The following KCNN1 variants were observed in gnomAD, a reference collection of about 807,000 sequenced individuals.
KCNN1 encodes small conductance calcium-activated potassium channel protein 1.
In KCNN1, 20 loss-of-function variants were observed where a neutral mutation model predicts 44.7. The ratio of observed to expected loss-of-function variants is 0.45; its 90% confidence interval spans 0.32 to 0.65. The LOEUF (loss-of-function observed/expected upper bound fraction) is 0.65. Among genes scored for constraint, KCNN1 ranks in the 30% least tolerant of loss-of-function variants. The pLI, the probability that KCNN1 is intolerant of heterozygous loss-of-function variation, is 0.05. For synonymous variants in KCNN1, 324 were observed against 341.7 expected (o/e 0.95, Z 0.57); for missense variants, 632 against 785.3 (o/e 0.80, Z 2.33).
chr19:17,993,404 CGG>C lies in KCNN1; in HGVS notation c.1308-84_1308-83del. On this transcript the variant is annotated intron_variant, in intron 8 of 9. Transcript: ENST00000684775. The surrounding 1 kb of genome is among the most constrained non-coding windows in gnomAD (Gnocchi z 4.5). ...CTGATGCATGTCCCATAGGTGACCC[CGG>C]GTGGGTGCATGAAAGTCCCTGCCCC... The C allele has an allele frequency of 1.0e-6, 1 of 972,800 alleles. No individual in the cohort carries two copies. Among genetic ancestry groups the C allele is most frequent in the Non-Finnish European group, 1.6e-6 (1 of 618,908 alleles). The allele number at this position is 972,800 out of a possible 1,614,324, so 60.3% of individuals were successfully genotyped here. A position where few individuals can be genotyped will look rare whatever the true frequency, so the allele number is the denominator to read the frequency against.
chr19:17,956,639 T>C (rs1226795402), intron 2 of KCNN1, among the ~76,000 whole-genome samples: 2 of 151,798 alleles, frequency 1.3e-5, no homozygotes, highest in Admixed American at 6.6e-5. Context: ...CCAGCTACTC[T>C]GGAGGCTGAG....
chr19:17,973,724 G>A (rs1199784888), intron 1 of KCNN1, 84 bp from the exon 2 acceptor site: 8 of 1,413,124 alleles, frequency 5.7e-6, no homozygotes, highest in African/African-American at 1.5e-5. Flanking sequence ...AACTTAGAAC[G>A]TTCTGGGTTG....
intron 2 of KCNN1, among the ~76,000 whole-genome samples, chr19:17,959,246 G>GT (rs1008473820): frequency 4.0e-5 from 6 of 148,292 alleles, no homozygotes; most frequent in Non-Finnish European, 9.0e-5. Flanking sequence ...CGCTGGTCTT[G>GT]TTTTTTGTTT....
upstream of KCNN1, among the ~76,000 whole-genome samples, chr19:17,964,538 GGC>G (rs2031753614): frequency 6.6e-6 from 1 of 152,240 alleles, no homozygotes; most frequent in Non-Finnish European, 1.5e-5. This position sits in a 1 kb window ranked among gnomAD's most constrained non-coding sequence, Gnocchi z 4.3. Flanking sequence ...GAGTCCCGGG[GGC>G]GTCTTGGCTG....
chr19:17,983,182 C>T lies in KCNN1; in HGVS notation c.917+1055C>T, dbSNP rs570282597. The stretch of plus-strand genomic sequence containing the variant: ...GCTCTGGGGGACAAAGGGACTTGCC[C>T]GGAGCCTTGAGTCCTGGCAGTCTCA... On this transcript the variant is annotated intron_variant, in intron 4 of 9. Transcript: ENST00000684775. The surrounding 1 kb of genome is among the most constrained non-coding windows in gnomAD (Gnocchi z 4.5). Among the ~76,000 whole-genome samples the T allele has an allele frequency of 1.2e-4, 18 of 152,134 alleles. No homozygotes were observed. Among genetic ancestry groups the T allele is most frequent in the African/African-American group, 4.3e-4 (18 of 41,518 alleles).
In KCNN1 at chr19:17,998,378, C is replaced by T. The variant is rs539021875; in HGVS notation, c.1604C>T (p.Thr535Met). The change falls in exon 10 of 10, where the codon ACG (threonine) becomes ATG (methionine). Residue 535 changes from threonine to methionine, a missense_variant. Transcript: ENST00000684775. This position sits in a 1 kb window ranked among gnomAD's most constrained non-coding sequence, Gnocchi z 5.4. ...QAARSSPCRWTPVAPSDCG is the reference protein window; with the variant it reads ...QAARSSPCRWMPVAPSDCG Reference sequence around the variant, plus strand: ...GCCCGGAGCTCCCCCTGCCGGTGGACGCCCGTGGCCCCCTCGGACTGCGGG... The same window carrying T: ...GCCCGGAGCTCCCCCTGCCGGTGGATGCCCGTGGCCCCCTCGGACTGCGGG... 15 of 1,491,704 alleles carry T rather than the reference C, an allele frequency of 1.0e-5. No homozygotes were observed. Among genetic ancestry groups the T allele is most frequent in the East Asian group, 4.8e-5 (2 of 41,256 alleles). 92.4% of individuals were successfully genotyped at this position (1,491,704 alleles called of 1,614,324 possible). A position where few individuals can be genotyped will look rare whatever the true frequency, so the allele number is the denominator to read the frequency against.
chr19:17,962,192 C>T (rs1339747122), upstream of KCNN1, among the ~76,000 whole-genome samples: 1 of 152,112 alleles, frequency 6.6e-6, no homozygotes, highest in Non-Finnish European at 1.5e-5. Context: ...AGGGTGGGGC[C>T]GCTGGTGGGC....
intron 9 of KCNN1, among the ~76,000 whole-genome samples, chr19:17,994,184 C>A (rs2032902593): frequency 6.6e-6 from 1 of 151,816 alleles, no homozygotes; most frequent in Non-Finnish European, 1.5e-5. Flanking sequence ...ATGGGTCATG[C>A]CTATAATCCC....
At chr19:17,968,167 C>A (rs1199433091) in intron 1 of KCNN1, among the ~76,000 whole-genome samples, 1 of 151,932 alleles carries the variant, frequency 6.6e-6, no homozygotes, top group African/African-American at 2.4e-5. Flanking sequence ...CTGGCTGCGC[C>A]CGCTGGGGAC....
chr19:17,988,638 T>G, intron 6 of KCNN1, 113 bp downstream of exon 6: 4 of 793,462 alleles, frequency 5.0e-6, no homozygotes, highest in Non-Finnish European at 8.4e-6. Context: ...TGGGTTACCA[T>G]GCAGCCCCGT....
intron 1 of KCNN1, among the ~76,000 whole-genome samples, chr19:17,952,791 T>C (rs914370862): frequency 6.6e-6 from 1 of 152,092 alleles, no homozygotes; most frequent in Non-Finnish European, 1.5e-5. Flanking sequence ...CCTGCCAGCC[T>C]ACTGTGCGCT....
rs530192372 is a variant in KCNN1, at chr19:17,953,305, C to T, written c.-202-1256C>T. On this transcript the variant is annotated intron_variant, in intron 1 of 10. Coordinates refer to the KCNN1 transcript ENST00000222249. Reference sequence around the variant, plus strand: ...ATAATTTTTACTCCGACGCAGCAACCCGCTGAGTGACCTTGGACAAGGCCC... The same window carrying T: ...ATAATTTTTACTCCGACGCAGCAACTCGCTGAGTGACCTTGGACAAGGCCC... Among the ~76,000 whole-genome samples, 8 of 152,324 alleles carry T rather than the reference C, an allele frequency of 5.3e-5. 1 individual carries two copies. The East Asian group carries it at 1.5e-3, about 29-fold the overall frequency.
At position 17,981,866 on chromosome 19, in the gene KCNN1, C is replaced by T; in HGVS notation, c.656C>T (p.Pro219Leu). The change falls in exon 4 of 10, where the codon CCC (proline) becomes CTC (leucine). Residue 219 changes from proline (P) to leucine (L), a missense_variant. By Grantham distance (98) the Pro-to-Leu change is moderately conservative. Coordinates refer to ENST00000684775, the MANE Select transcript of KCNN1 (RefSeq NM_001386974.1). ...WTARLAFTYAPSVAEADVDVL... is the reference protein window; with the variant it reads ...WTARLAFTYALSVAEADVDVL... The stretch of plus-strand genomic sequence containing the variant: ...GCGCGGCTGGCCTTCACGTACGCGC[C>T]CTCGGTGGCCGAGGCCGACGTGGAC... 1 of 1,612,620 alleles carries T rather than the reference C, an allele frequency of 6.2e-7. No homozygotes were observed. The highest frequency in any genetic ancestry group is 8.5e-7 in the Non-Finnish European group (1 of 1,179,216).
chr19:17,971,312 A>G (rs755339786), intron 1 of KCNN1, among the ~76,000 whole-genome samples: 6 of 151,734 alleles, frequency 4.0e-5, no homozygotes, highest in Non-Finnish European at 8.8e-5. Context: ...CACATGGGGG[A>G]CCCCTAGTGC....
chr19:17,965,197 T>G (rs1600007419), upstream of KCNN1, among the ~76,000 whole-genome samples: 1 of 147,450 alleles, frequency 6.8e-6, no homozygotes, highest in Non-Finnish European at 1.5e-5. Flanking sequence ...ACCCAGGAGG[T>G]GGAGGTTTAG....
At chr19:17,994,283 A>G (rs1568460817) in intron 9 of KCNN1, among the ~76,000 whole-genome samples, 1 of 151,840 alleles carries the variant, frequency 6.6e-6, no homozygotes, top group Non-Finnish European at 1.5e-5. Context: ...CATCTGTACA[A>G]AAAGAATAAA....
chr19:17,964,213 G>A (rs1035654977), upstream of KCNN1, among the ~76,000 whole-genome samples: 1 of 152,212 alleles, frequency 6.6e-6, no homozygotes, highest in African/African-American at 2.4e-5. The surrounding 1 kb of genome is among the most constrained non-coding windows in gnomAD (Gnocchi z 4.3). Flanking sequence ...TGGGGCCCAG[G>A]TTCCAGCTTC....
chr19:17,975,507 G>A (rs1430890612), intron 3 of KCNN1, among the ~76,000 whole-genome samples: 1 of 151,254 alleles, frequency 6.6e-6, no homozygotes, highest in Non-Finnish European at 1.5e-5. Context: ...TGCAACCTCT[G>A]CCTCCTGGGT....
intron 6 of KCNN1, 45 bp downstream of exon 6, chr19:17,988,570 G>A: frequency 7.0e-7 from 1 of 1,431,090 alleles, no homozygotes. Flanking sequence ...GGCCTTGTCA[G>A]CGAGCGTAGA....
Sources: allele counts gnomAD v4.1 joint callset (sites outside exome capture counted in the v4.1 genomes callset), GRCh38; gene constraint gnomAD v4.1.1; non-coding constraint Gnocchi (gnomAD v3.1); transcripts MANE v1.5; gene names NCBI Gene and HGNC (gene_info 2026-07-23, HGNC 2026-07-21).